NTN1: variants seen among roughly 807,000 people sequenced by gnomAD.
The protein encoded by NTN1 is netrin 1, also known as netrin-1.
In NTN1, 11 loss-of-function variants were observed where a neutral mutation model predicts 54.2. The ratio of observed to expected loss-of-function variants is 0.20; its 90% CI spans 0.13 to 0.34. NTN1 has a LOEUF of 0.34. Ranked by LOEUF, NTN1 falls within the 10% of genes least tolerant of loss-of-function variation. The pLI is 1.00. For missense variants in NTN1, 740 were observed against 893.1 expected (o/e 0.83, Z 2.18); for synonymous variants, 371 against 382.0 (o/e 0.97, Z 0.33).
chr17:9,042,349 A>G (rs2091924690), intron 2 of NTN1, among the ~76,000 whole-genome samples: 1 of 151,556 alleles, frequency 6.6e-6, no homozygotes, highest in South Asian at 2.1e-4. Context: ...GCTGGGTGTG[A>G]TGGCGCGCCT....
intron 2 of NTN1, among the ~76,000 whole-genome samples, chr17:9,048,666 CT>C (rs757339942): frequency 6.9e-6 from 1 of 145,718 alleles, no homozygotes; most frequent in African/African-American, 2.5e-5. Flanking sequence ...TTTTTTTTTT[CT>C]TTTTTTTGAG....
At chr17:9,151,882 TA>T (rs2092328560) in intron 2 of NTN1, among the ~76,000 whole-genome samples, 1 of 152,098 alleles carries the variant, frequency 6.6e-6, no homozygotes, top group Admixed American at 6.5e-5. Flanking sequence ...CAGCGCTCTG[TA>T]AAACACACCA....
intron 2 of NTN1, among the ~76,000 whole-genome samples, chr17:9,157,849 C>CCT (rs1486847706): frequency 6.6e-6 from 1 of 152,202 alleles, no homozygotes; most frequent in Non-Finnish European, 1.5e-5. Context: ...GCTGCCCTTT[C>CCT]CTCCCTGTCT....
chr17:9,160,789 CA>C (rs200150877), intron 2 of NTN1, among the ~76,000 whole-genome samples: 1 of 150,234 alleles, frequency 6.7e-6, no homozygotes. Context: ...CCTGTTTCTA[CA>C]AAAAAAAATA....
At chr17:9,201,958 C>T (rs1032551793) in intron 5 of NTN1, among the ~76,000 whole-genome samples, 10 of 139,426 alleles carry the variant, frequency 7.2e-5, no homozygotes, top group East Asian at 4.4e-4. Flanking sequence ...GAGGCCAAGG[C>T]GGGCGAATCA....
At chr17:9,057,704 G>A (rs1027799734) in intron 2 of NTN1, among the ~76,000 whole-genome samples, 13 of 152,170 alleles carry the variant, frequency 8.5e-5, no homozygotes, top group African/African-American at 2.4e-4. Flanking sequence ...CTGGGAAGCC[G>A]GCCCCACAAT....
the NTN1 span, among the ~76,000 whole-genome samples, chr17:9,003,935 C>T: frequency 6.6e-6 from 1 of 152,198 alleles, no homozygotes; most frequent in Non-Finnish European, 1.5e-5. The surrounding 1 kb of genome is among the most constrained non-coding windows in gnomAD (Gnocchi z 7.4). Context: ...CGGCCCGCGC[C>T]GCGGACCCGC....
chr17:9,206,968 G>C lies in NTN1; in HGVS notation c.1412-14200G>C, dbSNP rs183704990. Among the ~76,000 whole-genome samples, 628 of 152,194 alleles carry C rather than the reference G, an allele frequency of 4.1e-3. 2 individuals carry two copies. The highest frequency in any genetic ancestry group is 7.4e-3 in the Non-Finnish European group (503 of 68,006). On this transcript the variant is annotated intron_variant, in intron 5 of 6. Transcript: ENST00000173229. ...TGCTTGGAGCCTTTACTTTTCGGCT[G>C]TTTACAGAGACTCGAGCCTGGTGAC... is the stretch of plus-strand genomic sequence containing the variant.
chr17:9,154,057 C>T (rs1454889660), intron 2 of NTN1, among the ~76,000 whole-genome samples: 2 of 152,234 alleles, frequency 1.3e-5, no homozygotes, highest in Non-Finnish European at 2.9e-5. Flanking sequence ...TCACGGTCCC[C>T]GTAGGGGTCA....
intron 2 of NTN1, among the ~76,000 whole-genome samples, chr17:9,116,930 G>C (rs986306712): frequency 3.3e-5 from 5 of 152,188 alleles, no homozygotes; most frequent in Non-Finnish European, 7.3e-5. Flanking sequence ...CGGATATCTT[G>C]TCTGCTTTCA....
chr17:9,133,739 C>T (rs1292660430), intron 2 of NTN1, among the ~76,000 whole-genome samples: 1 of 148,364 alleles, frequency 6.7e-6, no homozygotes, highest in Non-Finnish European at 1.5e-5. Flanking sequence ...AGGTGCGCAC[C>T]ACCATGCCCA....
intron 2 of NTN1, among the ~76,000 whole-genome samples, chr17:9,155,583 C>T (rs140731966): frequency 0.022 from 3,340 of 152,012 alleles, 141 homozygotes; most frequent in African/African-American, 0.076. Context: ...TCAGGTGATC[C>T]GCCCGTCTCG....
At chr17:9,028,978 T>G (rs2091880485) in intron 2 of NTN1, among the ~76,000 whole-genome samples, 1 of 152,034 alleles carries the variant, frequency 6.6e-6, no homozygotes, top group Admixed American at 6.5e-5. Flanking sequence ...ATACCTTGGG[T>G]TTCTGTAGTG....
chr17:9,185,677 T>C (rs1318227641), intron 5 of NTN1, among the ~76,000 whole-genome samples: 1 of 151,938 alleles, frequency 6.6e-6, no homozygotes, highest in African/African-American at 2.4e-5. Context: ...TACCCAAGGC[T>C]CCCCTGGCAC....
intron 2 of NTN1, among the ~76,000 whole-genome samples, chr17:9,027,667 TTATTA>T (rs1182677165): frequency 4.6e-5 from 7 of 152,172 alleles, no homozygotes; most frequent in Admixed American, 1.3e-4. Context: ...TTATTATATT[TTATTA>T]TATTATATTC....
Position 9,135,277 on chromosome 17 carries a change from C to T in NTN1, c.1019-27536C>T, listed in dbSNP as rs546130338. 1.3e-5 allele frequency among the ~76,000 whole-genome samples: 2 copies of T among 152,314 alleles called. No homozygotes were observed. The highest frequency in any genetic ancestry group is 4.8e-5 in the African/African-American group (2 of 41,566). ...GAAAGTGTCTGAGAGCAGCTGCCAC[C>T]TGGGTCTGAATGTGTCCCCCAGACC... On this transcript the variant is annotated intron_variant, in intron 2 of 6. Transcript: ENST00000173229. The surrounding 1 kb of genome is among the most constrained non-coding windows in gnomAD (Gnocchi z 4.4).
intron 3 of NTN1, 111 bp from the exon 4 acceptor site, chr17:9,179,696 C>A: frequency 7.4e-7 from 1 of 1,353,986 alleles, no homozygotes; most frequent in Non-Finnish European, 1.0e-6. Flanking sequence ...CCCATCGCTG[C>A]TCTTCCTCCA....
intron 2 of NTN1, among the ~76,000 whole-genome samples, chr17:9,115,637 C>G (rs562751000): frequency 6.6e-6 from 1 of 152,384 alleles, no homozygotes; most frequent in East Asian, 1.9e-4. Flanking sequence ...AAGCAGAGGG[C>G]AGGCAAGAGC....
At chr17:9,114,370 C>G (rs1293980678) in intron 2 of NTN1, among the ~76,000 whole-genome samples, 1 of 150,380 alleles carries the variant, frequency 6.6e-6, no homozygotes, top group Non-Finnish European at 1.5e-5. Flanking sequence ...ATAAAAGTTA[C>G]TTTTAATTAC....
Sources: allele counts gnomAD v4.1 joint callset (sites outside exome capture counted in the v4.1 genomes callset), GRCh38; gene constraint gnomAD v4.1.1; non-coding constraint Gnocchi (gnomAD v3.1); transcripts MANE v1.5; gene names NCBI Gene and HGNC (gene_info 2026-07-23, HGNC 2026-07-21).